The following BTBD10 variants were observed in gnomAD, a reference collection of about 807,000 sequenced individuals.
The protein encoded by BTBD10 is BTB/POZ domain-containing protein 10.
Under a neutral mutation model 53.2 loss-of-function variants are expected in BTBD10, and 21 were observed. That is an observed-to-expected ratio of 0.39 (90% CI 0.28 to 0.57). The LOEUF (loss-of-function observed/expected upper bound fraction) is 0.57, where lower values mean the gene tolerates loss of function less well. Among genes scored for constraint, BTBD10 ranks in the 20% least tolerant of loss-of-function variants. The pLI is 0.53. For missense variants in BTBD10, 360 were observed against 594.7 expected (o/e 0.61, Z 4.10); for synonymous variants, 149 against 192.7 (o/e 0.77, Z 1.88).
chr11:13,459,813 A>G (rs1345137148), intron 1 of BTBD10: 1 of 152,230 alleles, frequency 6.6e-6, no homozygotes, highest in Non-Finnish European at 1.5e-5. Flanking sequence ...GCACTGAACA[A>G]AAGTATACTC....
At chr11:13,458,953 A>G (rs1433802778) in intron 1 of BTBD10, among the ~76,000 whole-genome samples, 3 of 152,114 alleles carry the variant, frequency 2.0e-5, no homozygotes, top group Non-Finnish European at 4.4e-5. Flanking sequence ...ATGCCACCCA[A>G]AAACAAGAAA....
At chr11:13,416,315 C>G (rs563632783) in intron 5 of BTBD10, among the ~76,000 whole-genome samples, 1 of 152,068 alleles carries the variant, frequency 6.6e-6, no homozygotes, top group Non-Finnish European at 1.5e-5. Context: ...GATCACACTA[C>G]TGCACTGCAG....
intron 2 of BTBD10, among the ~76,000 whole-genome samples, chr11:13,441,013 T>C (rs950222346): frequency 5.3e-5 from 8 of 152,210 alleles, no homozygotes; most frequent in African/African-American, 1.7e-4. Flanking sequence ...CTGTTCTATA[T>C]GGATATCATA....
At chr11:13,429,786 T>C (rs1950412812) in intron 2 of BTBD10, among the ~76,000 whole-genome samples, 2 of 152,134 alleles carry the variant, frequency 1.3e-5, no homozygotes, top group South Asian at 4.1e-4. Flanking sequence ...TAAAAACTTT[T>C]GATCTTCAAA....
chr11:13,406,844 T>G (rs1373485372), intron 6 of BTBD10, among the ~76,000 whole-genome samples: 1 of 120,158 alleles, frequency 8.3e-6, no homozygotes, highest in Non-Finnish European at 2.0e-5. Flanking sequence ...ACATTAATAT[T>G]ACTTAGCCAT....
At chr11:13,406,149 T>G (rs1949820887) in intron 6 of BTBD10, among the ~76,000 whole-genome samples, 1 of 152,148 alleles carries the variant, frequency 6.6e-6, no homozygotes, top group South Asian at 2.1e-4. Flanking sequence ...TAAACTGAAA[T>G]AGTTCTTATA....
chr11:13,414,038 G>T (rs531434260), intron 5 of BTBD10, among the ~76,000 whole-genome samples: 2 of 152,012 alleles, frequency 1.3e-5, no homozygotes, highest in African/African-American at 4.8e-5. Flanking sequence ...AAAAAGTAAG[G>T]AAATTGAATG....
At chr11:13,393,864 A>G (rs1158322007) in intron 8 of BTBD10, among the ~76,000 whole-genome samples, 4 of 152,196 alleles carry the variant, frequency 2.6e-5, no homozygotes, top group Non-Finnish European at 1.5e-5. Context: ...TCTGCTATTT[A>G]TTCCCCAAAA....
In BTBD10 at chr11:13,410,013, G is replaced by A. The variant is rs150703733; in HGVS notation, c.808+3517C>T. On this transcript the variant is annotated intron_variant, in intron 6 of 8. Coordinates refer to ENST00000278174, the MANE Select transcript of BTBD10 (RefSeq NM_032320.7). The stretch of plus-strand genomic sequence containing the variant: ...GGGAAGTCGGTGAGGAAGGCTGGGA[G>A]GAAGTGAGGGATAAAAGACTACATA... Among the ~76,000 whole-genome samples the A allele has an allele frequency of 2.9e-3, 446 of 152,266 alleles. 5 individuals carry two copies. Among genetic ancestry groups the A allele is most frequent in the Middle Eastern group, 0.027 (8 of 294 alleles).
chr11:13,403,607 G>A (rs750522242), intron 7 of BTBD10, among the ~76,000 whole-genome samples: 6 of 152,122 alleles, frequency 3.9e-5, no homozygotes, highest in Non-Finnish European at 8.8e-5. Context: ...ATCCAAAGAA[G>A]ATATCAATAT....
intron 5 of BTBD10, among the ~76,000 whole-genome samples, chr11:13,416,121 G>A (rs1317606721): frequency 2.6e-5 from 4 of 151,964 alleles, no homozygotes; most frequent in Non-Finnish European, 5.9e-5. Context: ...GGAGGCCAAG[G>A]CAGGAGGACT....
intron 2 of BTBD10, among the ~76,000 whole-genome samples, chr11:13,434,389 C>T (rs149769310): frequency 1.8e-3 from 268 of 152,170 alleles, no homozygotes; most frequent in African/African-American, 6.0e-3. Context: ...GACCTAAAAA[C>T]GTAAGAAATA....
At chr11:13,440,746 T>C (rs1281089771) in intron 2 of BTBD10, among the ~76,000 whole-genome samples, 1 of 152,178 alleles carries the variant, frequency 6.6e-6, no homozygotes, top group African/African-American at 2.4e-5. Flanking sequence ...GTATGATGCA[T>C]TTATCTTTAG....
At chr11:13,418,971 CTTTT>C (rs11423580) in intron 4 of BTBD10, among the ~76,000 whole-genome samples, 3 of 125,452 alleles carry the variant, frequency 2.4e-5, no homozygotes, top group African/African-American at 9.1e-5. Flanking sequence ...GTTGACATTC[CTTTT>C]TTTTTTTTTT....
At chr11:13,460,888 G>A (rs1393243194) in intron 1 of BTBD10, among the ~76,000 whole-genome samples, 1 of 152,196 alleles carries the variant, frequency 6.6e-6, no homozygotes, top group African/African-American at 2.4e-5. Context: ...ACAATAAAGA[G>A]CTTCTAAATA....
At chr11:13,390,383 A>T (rs1171407420) in intron 8 of BTBD10, among the ~76,000 whole-genome samples, 1 of 151,472 alleles carries the variant, frequency 6.6e-6, no homozygotes, top group Non-Finnish European at 1.5e-5. Flanking sequence ...AGTCTCTGTC[A>T]CCCAGGCTGG....
At chr11:13,446,313 A>G (rs942299700) in intron 1 of BTBD10, among the ~76,000 whole-genome samples, 1 of 152,168 alleles carries the variant, frequency 6.6e-6, no homozygotes, top group Non-Finnish European at 1.5e-5. Flanking sequence ...GGAAAATACT[A>G]TACTTTCCTG....
rs534633495 is a variant in BTBD10, at chr11:13,396,916, T to C, written c.1117+6252A>G. 1.6e-4 allele frequency among the ~76,000 whole-genome samples: 25 copies of C among 152,322 alleles called. 1 individual carries two copies. The South Asian group carries it at 4.8e-3, about 29-fold the overall frequency. On this transcript the variant is annotated intron_variant, in intron 8 of 8. Coordinates refer to ENST00000278174, the MANE Select transcript of BTBD10 (RefSeq NM_032320.7). Reference sequence around the variant, plus strand: ...CCACTTGATCATGGTGGATAAGCTTTTTGATGTGTTGCTGGATTCGGTTTG... The same window carrying C: ...CCACTTGATCATGGTGGATAAGCTTCTTGATGTGTTGCTGGATTCGGTTTG...
intron 2 of BTBD10, chr11:13,440,194 C>A: frequency 1.4e-6 from 2 of 1,400,972 alleles, no homozygotes; most frequent in Non-Finnish European, 1.9e-6. Context: ...ACCCCCTCTA[C>A]ATATTAATTC....
Sources: allele counts gnomAD v4.1 joint callset (sites outside exome capture counted in the v4.1 genomes callset), GRCh38; gene constraint gnomAD v4.1.1; transcripts MANE v1.5; gene names NCBI Gene and HGNC (gene_info 2026-07-23, HGNC 2026-07-21).